Variants in PTPRM observed in about 807,000 individuals in gnomAD.
The protein encoded by PTPRM is receptor-type tyrosine-protein phosphatase mu.
PTPRM carries 47 observed loss-of-function variants against 186.7 expected under a neutral mutation model. That is an observed-to-expected ratio of 0.25 (90% CI 0.20 to 0.32). The LOEUF is 0.32. PTPRM is among the 10% of genes least tolerant of loss of function. The pLI, the probability that PTPRM is intolerant of heterozygous loss-of-function variation, is 1.00. For missense variants in PTPRM, 1,494 were observed against 1,865.0 expected, an observed-to-expected ratio of 0.80 and a Z score of 3.66; for synonymous variants, 668 against 674.9, an observed-to-expected ratio of 0.99 and a Z score of 0.16.
intron 10 of PTPRM, among the ~76,000 whole-genome samples, chr18:8,087,075 T>G (rs1007892519): frequency 2.6e-5 from 4 of 152,018 alleles, no homozygotes; most frequent in African/African-American, 9.7e-5. Flanking sequence ...TAGTTATGAT[T>G]TTGCCAGGCA....
chr18:7,823,619 G>C (rs139595465), intron 2 of PTPRM, among the ~76,000 whole-genome samples: 1 of 152,282 alleles, frequency 6.6e-6, no homozygotes, highest in Non-Finnish European at 1.5e-5. Flanking sequence ...AAAGAAGTTG[G>C]AAGGAGCAGA....
At chr18:7,630,927 T>C (rs1442172042) in intron 1 of PTPRM, among the ~76,000 whole-genome samples, 3 of 152,138 alleles carry the variant, frequency 2.0e-5, no homozygotes, top group Non-Finnish European at 4.4e-5. Flanking sequence ...GTAATTTACA[T>C]GGGGACCCTT....
chr18:7,991,920 G>A (rs1313415339), intron 7 of PTPRM, among the ~76,000 whole-genome samples: 2 of 152,128 alleles, frequency 1.3e-5, no homozygotes, highest in Non-Finnish European at 2.9e-5. Flanking sequence ...GATTAACAAA[G>A]TATCTAGAGG....
intron 1 of PTPRM, among the ~76,000 whole-genome samples, chr18:7,764,287 A>G (rs535365692): frequency 2.5e-4 from 38 of 152,336 alleles, no homozygotes; most frequent in African/African-American, 8.7e-4. Flanking sequence ...GTATTTTCTA[A>G]TAATACTTAA....
intron 7 of PTPRM, among the ~76,000 whole-genome samples, chr18:8,037,794 A>C (rs895872247): frequency 6.6e-6 from 1 of 152,132 alleles, no homozygotes; most frequent in Non-Finnish European, 1.5e-5. Flanking sequence ...ACAAGGTCTG[A>C]GATCGTGATG....
intron 7 of PTPRM, among the ~76,000 whole-genome samples, chr18:7,980,612 GGGCTCAAAC>G (rs1447515774): frequency 6.6e-6 from 1 of 152,006 alleles, no homozygotes; most frequent in Non-Finnish European, 1.5e-5. Flanking sequence ...TTGAACTCCT[GGGCTCAAAC>G]AGTCCTCCCA....
At chr18:8,164,889 AG>A (rs2093295606) in intron 14 of PTPRM, among the ~76,000 whole-genome samples, 1 of 56,008 alleles carries the variant, frequency 1.8e-5, no homozygotes, top group Non-Finnish European at 4.1e-5. Flanking sequence ...TTCTAAGGCC[AG>A]GCGCAGTGGC....
At chr18:7,720,049 C>A (rs2043837476) in intron 1 of PTPRM, among the ~76,000 whole-genome samples, 1 of 152,006 alleles carries the variant, frequency 6.6e-6, no homozygotes, top group Non-Finnish European at 1.5e-5. Context: ...ATTAAGGAAA[C>A]CCTTAAACTT....
intron 1 of PTPRM, among the ~76,000 whole-genome samples, chr18:7,614,892 G>A (rs1275597749): frequency 6.6e-6 from 1 of 152,046 alleles, no homozygotes; most frequent in East Asian, 1.9e-4. Flanking sequence ...TACAAGTTTT[G>A]TCAAGTTTTT....
intron 1 of PTPRM, among the ~76,000 whole-genome samples, chr18:7,714,366 C>A (rs2040278010): frequency 6.6e-6 from 1 of 152,096 alleles, no homozygotes. Flanking sequence ...ACAGCTAAAG[C>A]AGTGTTTAGA....
chr18:8,099,037 G>T (rs1226779033), intron 11 of PTPRM, among the ~76,000 whole-genome samples: 1 of 152,036 alleles, frequency 6.6e-6, no homozygotes, highest in Non-Finnish European at 1.5e-5. Context: ...ATGCCATTTT[G>T]TGGGTTTATT....
chr18:7,847,393 C>T (rs928650169), intron 2 of PTPRM, among the ~76,000 whole-genome samples: 3 of 152,058 alleles, frequency 2.0e-5, no homozygotes, highest in African/African-American at 7.2e-5. Flanking sequence ...TCTCAAACTC[C>T]TGGGCTTAAG....
chr18:8,239,885 G>C (rs578001270), intron 14 of PTPRM, among the ~76,000 whole-genome samples: 66 of 152,130 alleles, frequency 4.3e-4, no homozygotes, highest in Non-Finnish European at 7.9e-4. Flanking sequence ...AATTACTAAG[G>C]GCCTTTGAGA....
chr18:8,072,349 A>G (rs2089534784), intron 8 of PTPRM, among the ~76,000 whole-genome samples: 1 of 152,324 alleles, frequency 6.6e-6, no homozygotes, highest in East Asian at 1.9e-4. Flanking sequence ...AATTCTGTTA[A>G]ATTCCATCAA....
chr18:7,724,386 T>C (rs2040505961), intron 1 of PTPRM, among the ~76,000 whole-genome samples: 1 of 152,228 alleles, frequency 6.6e-6, no homozygotes, highest in Non-Finnish European at 1.5e-5. Context: ...TACAGCAACA[T>C]GGACCTAGTA....
intron 7 of PTPRM, among the ~76,000 whole-genome samples, chr18:7,986,205 G>T (rs2082955072): frequency 6.6e-6 from 1 of 152,196 alleles, no homozygotes; most frequent in African/African-American, 2.4e-5. Context: ...GTCCTCAGTA[G>T]TGCGTAACAG....
At chr18:8,016,732 A>T (rs2084893403) in intron 7 of PTPRM, among the ~76,000 whole-genome samples, 1 of 152,242 alleles carries the variant, frequency 6.6e-6, no homozygotes, top group Admixed American at 6.5e-5. Context: ...AAGACAGACA[A>T]CAGATCATTA....
At chr18:7,611,405 A>C (rs931976013) in intron 1 of PTPRM, among the ~76,000 whole-genome samples, 1 of 152,200 alleles carries the variant, frequency 6.6e-6, no homozygotes, top group Non-Finnish European at 1.5e-5. Flanking sequence ...TGCGAGCTCC[A>C]TTCATGGTAA....
chr18:7,661,263 G>T (rs943911807), intron 1 of PTPRM, among the ~76,000 whole-genome samples: 9 of 152,186 alleles, frequency 5.9e-5, no homozygotes, highest in African/African-American at 2.2e-4. Flanking sequence ...GCACTGATGT[G>T]ACTTTTAGAA....
Sources: allele counts gnomAD v4.1 joint callset (sites outside exome capture counted in the v4.1 genomes callset), GRCh38; gene constraint gnomAD v4.1.1; transcripts MANE v1.5; gene names NCBI Gene and HGNC (gene_info 2026-07-23, HGNC 2026-07-21).